SETBP1: variants seen among roughly 807,000 people sequenced by gnomAD.
The protein encoded by SETBP1 is SET binding protein 1, also known as SET-binding protein.
Under a neutral mutation model 101.0 loss-of-function variants are expected in SETBP1, and 9 were observed. That is an observed-to-expected ratio of 0.09 (90% CI 0.05 to 0.16). The LOEUF (loss-of-function observed/expected upper bound fraction) is 0.16. Ranked by LOEUF, SETBP1 falls within the 10% of genes least tolerant of loss-of-function variation. The pLI, the probability that SETBP1 is intolerant of heterozygous loss-of-function variation, is 1.00. For synonymous variants in SETBP1, 818 were observed against 788.5 expected, an observed-to-expected ratio of 1.04 and a Z score of -0.63; for missense variants, 1,858 against 2,033.8, an observed-to-expected ratio of 0.91 and a Z score of 1.66.
At chr18:44,872,079 C>A (rs1363113204) in intron 3 of SETBP1, 1 of 152,212 alleles carries the variant, frequency 6.6e-6, no homozygotes, top group Non-Finnish European at 1.5e-5. Flanking sequence ...ACCCTCCTTT[C>A]TAAGTCTTTG....
intron 3 of SETBP1, among the ~76,000 whole-genome samples, chr18:44,929,898 T>G (rs143238198): frequency 0.042 from 6,441 of 152,268 alleles, 415 homozygotes; most frequent in African/African-American, 0.15. Flanking sequence ...CAATTTGACT[T>G]TCTCTCTTCC....
intron 3 of SETBP1, among the ~76,000 whole-genome samples, chr18:44,926,958 T>A (rs1464462158): frequency 4.6e-5 from 7 of 152,160 alleles, no homozygotes; most frequent in African/African-American, 1.4e-4. Flanking sequence ...AGAGGCTTTA[T>A]GAGGGTGCTT....
chr18:44,907,765 G>A (rs1405323420), intron 3 of SETBP1, among the ~76,000 whole-genome samples: 2 of 152,080 alleles, frequency 1.3e-5, no homozygotes, highest in Admixed American at 6.6e-5. Context: ...TCAGATATGT[G>A]ACTTGCAAAA....
intron 2 of SETBP1, among the ~76,000 whole-genome samples, chr18:44,744,928 G>C (rs1183243285): frequency 6.6e-6 from 1 of 152,122 alleles, no homozygotes; most frequent in East Asian, 1.9e-4. Context: ...GATTGATTTC[G>C]GGGCCTTTGT....
rs147961164 is a variant in SETBP1, at chr18:44,898,793, C to T, written c.540+29510C>T. Among the ~76,000 whole-genome samples the T allele has an allele frequency of 6.8e-3, 1,036 of 152,308 alleles. 9 individuals are homozygous for T. Among genetic ancestry groups the T allele is most frequent in the African/African-American group, 0.022 (922 of 41,562 alleles). On this transcript the variant is annotated intron_variant, in intron 3 of 5. Coordinates refer to ENST00000649279, the MANE Select transcript of SETBP1 (RefSeq NM_015559.3). ...GGGACACACCCGAGCACCCACATCACTCCAATGTGTTTTCTCTGTAATTAA... is the reference window on the plus strand; with the variant it reads ...GGGACACACCCGAGCACCCACATCATTCCAATGTGTTTTCTCTGTAATTAA...
chr18:44,925,071 A>T (rs1300017468), intron 3 of SETBP1, among the ~76,000 whole-genome samples: 1 of 128,858 alleles, frequency 7.8e-6, no homozygotes. Flanking sequence ...GGCTCGTTTA[A>T]TGGCTGGGAA....
intron 2 of SETBP1, among the ~76,000 whole-genome samples, chr18:44,766,011 T>C (rs889494073): frequency 5.9e-5 from 9 of 152,226 alleles, no homozygotes; most frequent in Non-Finnish European, 1.0e-4. Flanking sequence ...CCTCACCTAG[T>C]TCCTCTGCCA....
chr18:44,918,487 C>A (rs2070499932), intron 3 of SETBP1, among the ~76,000 whole-genome samples: 1 of 152,180 alleles, frequency 6.6e-6, no homozygotes, highest in South Asian at 2.1e-4. Flanking sequence ...CACTAACAAG[C>A]CATTGGACTA....
intron 1 of SETBP1, among the ~76,000 whole-genome samples, chr18:44,695,313 A>G (rs2068996567): frequency 1.3e-5 from 2 of 152,256 alleles, no homozygotes; most frequent in South Asian, 2.1e-4. Context: ...CTGCATCTAC[A>G]GATCCAAAAG....
At chr18:45,000,671 T>C (rs1599431423) in intron 4 of SETBP1, among the ~76,000 whole-genome samples, 1 of 152,082 alleles carries the variant, frequency 6.6e-6, no homozygotes, top group Admixed American at 6.5e-5. Context: ...AATTTTTTCA[T>C]TGGAAAAAAT....
chr18:44,930,082 T>G (rs2070793765), intron 3 of SETBP1, among the ~76,000 whole-genome samples: 1 of 152,220 alleles, frequency 6.6e-6, no homozygotes, highest in Non-Finnish European at 1.5e-5. Context: ...TTATCATAAA[T>G]AGCTCTTATT....
At chr18:44,926,888 T>C (rs1383015871) in intron 3 of SETBP1, among the ~76,000 whole-genome samples, 1 of 152,114 alleles carries the variant, frequency 6.6e-6, no homozygotes, top group South Asian at 2.1e-4. Context: ...TCCAGAGCTA[T>C]TGGGAGAGGT....
chr18:44,955,351 T>A (rs1421490021), intron 4 of SETBP1, among the ~76,000 whole-genome samples: 2 of 152,194 alleles, frequency 1.3e-5, no homozygotes, highest in African/African-American at 2.4e-5. Context: ...GACAATGTCA[T>A]GAAAGAAAGC....
chr18:44,994,622 A>G (rs1006802847), intron 4 of SETBP1, among the ~76,000 whole-genome samples: 2 of 152,226 alleles, frequency 1.3e-5, no homozygotes, highest in Non-Finnish European at 2.9e-5. Flanking sequence ...GTGATAGCTG[A>G]ACACTGGACA....
intron 2 of SETBP1, among the ~76,000 whole-genome samples, chr18:44,758,220 C>T (rs1433109044): frequency 6.6e-6 from 1 of 152,168 alleles, no homozygotes; most frequent in African/African-American, 2.4e-5. Context: ...TGAGAGTACA[C>T]ACACACTCCT....
At chr18:45,022,937 G>A (rs1359386258) in intron 4 of SETBP1, among the ~76,000 whole-genome samples, 1 of 152,174 alleles carries the variant, frequency 6.6e-6, no homozygotes, top group Non-Finnish European at 1.5e-5. Context: ...TTTAAGCCTG[G>A]GGGATAGGTA....
At chr18:44,917,821 G>A (rs1463900322) in intron 3 of SETBP1, among the ~76,000 whole-genome samples, 1 of 152,148 alleles carries the variant, frequency 6.6e-6, no homozygotes, top group Admixed American at 6.6e-5. Context: ...GGGATACTGG[G>A]CTTCAAGGGG....
At chr18:44,907,318 A>T (rs1202825566) in intron 3 of SETBP1, among the ~76,000 whole-genome samples, 2 of 152,206 alleles carry the variant, frequency 1.3e-5, no homozygotes, top group African/African-American at 4.8e-5. Context: ...ATGAACATTT[A>T]TGTAGAAGTT....
chr18:44,683,467 T>C (rs2068791431), intron 1 of SETBP1, among the ~76,000 whole-genome samples: 1 of 152,232 alleles, frequency 6.6e-6, no homozygotes, highest in African/African-American at 2.4e-5. Flanking sequence ...AGGTAGGTAC[T>C]TTCCCCTGGA....
Sources: gnomAD v4.1 joint callset for allele counts (sites outside exome capture counted in the v4.1 genomes callset) on GRCh38, gnomAD v4.1.1 for gene constraint, MANE v1.5 for transcripts, NCBI Gene and HGNC (gene_info 2026-07-23, HGNC 2026-07-21) for gene names.